Variants in SPATA13 observed in about 807,000 individuals in gnomAD.
SPATA13 encodes the protein spermatogenesis-associated protein 13.
In SPATA13, 50 loss-of-function variants were observed where a neutral mutation model predicts 104.0. That is an observed-to-expected ratio of 0.48 (90% CI 0.38 to 0.61). The LOEUF is 0.61. Among genes scored for constraint, SPATA13 ranks in the 20% least tolerant of loss-of-function variants. The pLI, the probability that SPATA13 is intolerant of heterozygous loss-of-function variation, is 0.00. For missense variants in SPATA13, 1,524 were observed against 1,690.6 expected (o/e 0.90, Z 1.73); for synonymous variants, 606 against 667.5 (o/e 0.91, Z 1.42).
chr13:24,226,137 AT>A (rs966173314), intron 2 of SPATA13, among the ~76,000 whole-genome samples: 2 of 152,190 alleles, frequency 1.3e-5, no homozygotes, highest in Non-Finnish European at 2.9e-5. Context: ...AAAAAGCACC[AT>A]TTGATTGGTT....
At chr13:24,116,422 A>G (rs1880841014) in intron 3 of SPATA13, among the ~76,000 whole-genome samples, 1 of 152,108 alleles carries the variant, frequency 6.6e-6, no homozygotes. Flanking sequence ...ATACATTGAG[A>G]TCTGAAAGGC....
intron 3 of SPATA13, among the ~76,000 whole-genome samples, chr13:24,063,136 T>C (rs1319512537): frequency 6.6e-6 from 1 of 151,958 alleles, no homozygotes; most frequent in Admixed American, 6.6e-5. Flanking sequence ...CTTCTCCCAG[T>C]GCTCACCATG....
chr13:24,000,286 T>C (rs1426062394), intron 2 of SPATA13, among the ~76,000 whole-genome samples: 2 of 142,572 alleles, frequency 1.4e-5, no homozygotes, highest in African/African-American at 5.2e-5. Flanking sequence ...AGCTGAGGCA[T>C]GAGTAAGAGT....
intron 2 of SPATA13, among the ~76,000 whole-genome samples, chr13:23,986,278 C>G (rs1027367276): frequency 9.2e-5 from 14 of 152,156 alleles, no homozygotes; most frequent in African/African-American, 3.4e-4. Context: ...GCCTTTGTAT[C>G]TTGAAAATTG....
chr13:24,149,236 G>T (rs2138468307), intron 3 of SPATA13, among the ~76,000 whole-genome samples: 1 of 152,288 alleles, frequency 6.6e-6, no homozygotes. Flanking sequence ...GTCCTGAAAT[G>T]AATTTAGCAA....
chr13:24,069,532 T>A (rs1471063567), intron 3 of SPATA13, among the ~76,000 whole-genome samples: 3 of 152,190 alleles, frequency 2.0e-5, no homozygotes, highest in Non-Finnish European at 4.4e-5. Context: ...TGAGATTGGG[T>A]TTCCTAGATA....
At chr13:24,033,229 CAT>C (rs1322243531) in intron 3 of SPATA13, among the ~76,000 whole-genome samples, 1 of 152,074 alleles carries the variant, frequency 6.6e-6, no homozygotes, top group African/African-American at 2.4e-5. Flanking sequence ...CTGCTCAAAA[CAT>C]AGAATTTCAA....
At chr13:24,143,316 C>A (rs889002229) in intron 3 of SPATA13, among the ~76,000 whole-genome samples, 4 of 152,154 alleles carry the variant, frequency 2.6e-5, no homozygotes, top group African/African-American at 9.7e-5. Flanking sequence ...GTTGCCCCTT[C>A]CCCCTTTCTC....
rs115706984 is a variant in SPATA13 at position 24,043,007 on chromosome 13, G to A, written c.-112+25306G>A. ...GAGAATGAACCCTTTCGCAATGTGTGTCTTAGTGAATAATGCCAGTATTGG... is the reference window on the plus strand; with the variant it reads ...GAGAATGAACCCTTTCGCAATGTGTATCTTAGTGAATAATGCCAGTATTGG... On this transcript the variant is annotated intron_variant, in intron 3 of 14. Coordinates refer to the SPATA13 transcript ENST00000424834. 9.4e-3 allele frequency among the ~76,000 whole-genome samples: 1,429 copies of A among 152,316 alleles called. 27 individuals are homozygous for A. Among genetic ancestry groups the A allele is most frequent in the African/African-American group, 0.031 (1,288 of 41,566 alleles).
chr13:24,126,471 G>C (rs903147543), intron 3 of SPATA13, among the ~76,000 whole-genome samples: 1 of 152,110 alleles, frequency 6.6e-6, no homozygotes, highest in African/African-American at 2.4e-5. Context: ...CGACAATTGT[G>C]TCTATTCTGG....
intron 3 of SPATA13, among the ~76,000 whole-genome samples, chr13:24,079,683 C>CT (rs992336010): frequency 3.3e-5 from 5 of 152,048 alleles, no homozygotes; most frequent in African/African-American, 1.2e-4. Flanking sequence ...TTTCTTTCTT[C>CT]TTTTTTATCT....
intron 4 of SPATA13, chr13:24,271,041 A>ACTCTCTCT (rs71928912): frequency 0.065 from 31,071 of 479,152 alleles, 314 homozygotes; most frequent in African/African-American, 0.085. Context: ...TCTCTCTCTC[A>ACTCTCTCT]CTCTCTCTCT....
intron 3 of SPATA13, among the ~76,000 whole-genome samples, chr13:24,114,955 C>T (rs1389867928): frequency 6.6e-6 from 1 of 152,076 alleles, no homozygotes; most frequent in African/African-American, 2.4e-5. Context: ...AGCCACTACA[C>T]CCAGCCCCTT....
At chr13:23,986,847 G>A (rs1875168428) in intron 2 of SPATA13, among the ~76,000 whole-genome samples, 1 of 152,152 alleles carries the variant, frequency 6.6e-6, no homozygotes, top group Non-Finnish European at 1.5e-5. Flanking sequence ...CTCAGACCCA[G>A]ATGTCTGCAG....
chr13:24,137,262 G>C (rs994148586), intron 3 of SPATA13, among the ~76,000 whole-genome samples: 1 of 152,194 alleles, frequency 6.6e-6, no homozygotes, highest in Non-Finnish European at 1.5e-5. Context: ...CCACTGAACT[G>C]AAAGAAGAAG....
At position 24,286,176 on chromosome 13, in the gene SPATA13, G is replaced by A. The variant is rs180876577; in HGVS notation, c.2302-38G>A. The A allele has an allele frequency of 4.3e-4, 668 of 1,558,108 alleles. 2 individuals carry two copies. In the African/African-American group the frequency reaches 7.5e-3, roughly 17 times the overall value. ...GGCTCCCTCACCATCCCGCCCACTC[G>A]TGCTCTATGCTGAGCGCACCCCACT... On this transcript the variant is annotated intron_variant, in intron 5 of 12. Coordinates refer to ENST00000382108, the MANE Select transcript of SPATA13 (RefSeq NM_001166271.3). This position sits in a 1 kb window ranked among gnomAD's most constrained non-coding sequence, Gnocchi z 4.9.
intron 1 of SPATA13, among the ~76,000 whole-genome samples, chr13:24,218,893 C>T (rs888901354): frequency 1.3e-5 from 2 of 151,184 alleles, no homozygotes; most frequent in African/African-American, 4.9e-5. Flanking sequence ...GTTCTATATT[C>T]CTGAATTTCA....
chr13:24,082,822 G>A (rs1377004902), intron 3 of SPATA13, among the ~76,000 whole-genome samples: 7 of 37,558 alleles, frequency 1.9e-4, no homozygotes, highest in African/African-American at 7.5e-4. Context: ...GCGAGACTCC[G>A]TCTCAAAAAA....
intron 1 of SPATA13, among the ~76,000 whole-genome samples, chr13:24,207,367 CT>C (rs1300848493): frequency 1.3e-5 from 2 of 152,222 alleles, no homozygotes; most frequent in Non-Finnish European, 2.9e-5. Context: ...ACATGTACCC[CT>C]GAACTTAAAA....
Sources: allele counts gnomAD v4.1 joint callset (sites outside exome capture counted in the v4.1 genomes callset), GRCh38; gene constraint gnomAD v4.1.1; non-coding constraint Gnocchi (gnomAD v3.1); transcripts MANE v1.5; gene names NCBI Gene and HGNC (gene_info 2026-07-23, HGNC 2026-07-21).